FRMD4A: variants seen among roughly 807,000 people sequenced by gnomAD.
The protein encoded by FRMD4A is FERM domain-containing protein 4A.
A neutral mutation model predicts 129.1 loss-of-function variants in FRMD4A; 29 were observed. That is an observed-to-expected ratio of 0.22 (90% CI 0.17 to 0.31). The LOEUF is 0.31. Ranked by LOEUF, FRMD4A falls within the 10% of genes least tolerant of loss-of-function variation. The pLI is 1.00. For missense variants in FRMD4A, 1,272 were observed against 1,375.8 expected (o/e 0.92, Z 1.19); for synonymous variants, 634 against 571.6 (o/e 1.11, Z -1.56).
chr10:13,709,837 T>C (rs1283815057), intron 12 of FRMD4A, among the ~76,000 whole-genome samples: 1 of 152,192 alleles, frequency 6.6e-6, no homozygotes, highest in Admixed American at 6.5e-5. Context: ...TTTTTTTTTC[T>C]TTCTTTATAT....
At chr10:13,778,913 C>A (rs1490855233) in intron 6 of FRMD4A, among the ~76,000 whole-genome samples, 3 of 152,172 alleles carry the variant, frequency 2.0e-5, no homozygotes, top group Non-Finnish European at 4.4e-5. Flanking sequence ...ACCTATGTAA[C>A]AAACCTGCAC....
At chr10:13,944,269 T>A (rs944196452) in intron 2 of FRMD4A, among the ~76,000 whole-genome samples, 2 of 150,752 alleles carry the variant, frequency 1.3e-5, no homozygotes, top group Admixed American at 1.3e-4. Flanking sequence ...AGCAGTGGCA[T>A]TAGATTCTCA....
rs12261851 is a variant in FRMD4A, at chr10:14,128,307, T to C, written c.45+201751A>G. On this transcript the variant is annotated intron_variant, in intron 2 of 24. Transcript: ENST00000357447. The stretch of plus-strand genomic sequence containing the variant: ...TTTGTAAAGATAGGGTTTCACCATT[T>C]TGCCCAGGTTGGTCGCAAACTCCCG... 7.6e-3 allele frequency among the ~76,000 whole-genome samples: 1,154 copies of C among 152,108 alleles called. 12 individuals carry two copies. The highest frequency in any genetic ancestry group is 0.026 in the African/African-American group (1,082 of 41,450).
chr10:13,989,755 AG>A (rs1438155900), intron 2 of FRMD4A, among the ~76,000 whole-genome samples: 1 of 152,250 alleles, frequency 6.6e-6, no homozygotes, highest in Non-Finnish European at 1.5e-5. Context: ...CAGAGGGCAG[AG>A]AGATGGGAGT....
At chr10:13,824,476 C>A (rs1214481518) in intron 3 of FRMD4A, among the ~76,000 whole-genome samples, 1 of 151,588 alleles carries the variant, frequency 6.6e-6, no homozygotes, top group Admixed American at 6.6e-5. Flanking sequence ...GGTGACAGAG[C>A]AAGACTCTAT....
intron 16 of FRMD4A, among the ~76,000 whole-genome samples, chr10:13,672,406 G>A (rs1055344258): frequency 1.3e-5 from 2 of 151,644 alleles, no homozygotes; most frequent in African/African-American, 4.8e-5. Flanking sequence ...CAACTATTGA[G>A]GGTTTTATAT....
At chr10:13,761,765 T>A in intron 7 of FRMD4A, 96 bp from the exon 8 acceptor site, 1 of 812,280 alleles carries the variant, frequency 1.2e-6, no homozygotes, top group South Asian at 1.6e-5. Context: ...CTCTACTGAA[T>A]GAGATGAGTT....
In FRMD4A at chr10:13,951,596, A is replaced by G. The variant is rs554387576; in HGVS notation, c.46-92684T>C. 5.3e-4 allele frequency among the ~76,000 whole-genome samples: 81 copies of G among 152,172 alleles called. 2 individuals are homozygous for G. The highest frequency in any genetic ancestry group is 1.9e-3 in the African/African-American group (78 of 41,526). ...AATGTTAAGGTGATCAGGTATCACAATCTAAAATTTTGGCTGGGCGTGGTG... is the reference window on the plus strand; with the variant it reads ...AATGTTAAGGTGATCAGGTATCACAGTCTAAAATTTTGGCTGGGCGTGGTG... On this transcript the variant is annotated intron_variant, in intron 2 of 24. Transcript: ENST00000357447.
At chr10:14,010,581 T>TG (rs35380403) in intron 2 of FRMD4A, among the ~76,000 whole-genome samples, 28,476 of 151,190 alleles carry the variant, frequency 0.19, 3,290 homozygotes, top group East Asian at 0.45. Context: ...TCTCAAAGGT[T>TG]GCTGGTCCAA....
chr10:13,825,389 T>C (rs572004278), intron 3 of FRMD4A, among the ~76,000 whole-genome samples: 1 of 152,266 alleles, frequency 6.6e-6, no homozygotes, highest in South Asian at 2.1e-4. Flanking sequence ...AGAAACTGGG[T>C]TGCACAGCAG....
intron 2 of FRMD4A, among the ~76,000 whole-genome samples, chr10:13,908,341 T>C (rs1446660635): frequency 1.3e-5 from 2 of 152,190 alleles, no homozygotes; most frequent in African/African-American, 4.8e-5. Context: ...CAGAAGGTGA[T>C]AGTCTCCTAC....
intron 14 of FRMD4A, among the ~76,000 whole-genome samples, chr10:13,699,128 T>C (rs1017598659): frequency 3.3e-5 from 5 of 149,624 alleles, no homozygotes; most frequent in African/African-American, 9.8e-5. Flanking sequence ...TGATCTCAGC[T>C]CACTGCAACC....
At chr10:14,265,029 G>A (rs2132038460) in intron 2 of FRMD4A, among the ~76,000 whole-genome samples, 1 of 152,284 alleles carries the variant, frequency 6.6e-6, no homozygotes, top group South Asian at 2.1e-4. Flanking sequence ...TGATCCGCAA[G>A]CCTCGGCCTC....
intron 2 of FRMD4A, among the ~76,000 whole-genome samples, chr10:14,272,913 A>G (rs1845211484): frequency 6.6e-6 from 1 of 152,050 alleles, no homozygotes; most frequent in African/African-American, 2.4e-5. Context: ...ATATCTTCCT[A>G]TTGCCTTTTA....
rs1202334790 is a variant in FRMD4A at position 13,646,401 on chromosome 10, C to G, written c.*637G>C. ...ATTTCTGGTGTCGAGAACTTCCTTT[C>G]TCAACCTCCCCTTCCCCCATAGCCA... On this transcript the variant is annotated 3_prime_UTR_variant, in exon 25 of 25. Transcript: ENST00000357447. The G allele has an allele frequency of 5.2e-5, 8 of 152,584 alleles. No individual in the cohort carries two copies. Among genetic ancestry groups the G allele is most frequent in the Non-Finnish European group, 1.2e-4 (8 of 68,052 alleles). The allele number at this position is 152,584 out of a possible 1,614,324, so 9.5% of individuals were successfully genotyped here.
intron 2 of FRMD4A, among the ~76,000 whole-genome samples, chr10:14,164,277 C>G (rs1841054517): frequency 6.6e-6 from 1 of 152,196 alleles, no homozygotes; most frequent in South Asian, 2.1e-4. Context: ...ATAGGCCAGC[C>G]GCTCTGGCTG....
At position 14,073,085 on chromosome 10, in the gene FRMD4A, AC is replaced by A. The variant is rs1239090029; in HGVS notation, c.46-214174del. ...CAAAAACAAGACATACACTACGAGA[AC>A]CCCTTGTAACCTGCACCCTTACCAG... is the stretch of plus-strand genomic sequence containing the variant. On this transcript the variant is annotated intron_variant, in intron 2 of 24. Transcript: ENST00000357447. Among the ~76,000 whole-genome samples, 6 of 152,310 alleles carry A rather than the reference AC, an allele frequency of 3.9e-5. No homozygotes were observed. In the East Asian group the frequency reaches 1.2e-3, roughly 29 times the overall value.
intron 8 of FRMD4A, among the ~76,000 whole-genome samples, chr10:13,753,332 C>T (rs2091715630): frequency 6.6e-6 from 1 of 152,046 alleles, no homozygotes; most frequent in African/African-American, 2.4e-5. Context: ...GGTCTTCCAC[C>T]ATTGGGTTGG....
intron 3 of FRMD4A, among the ~76,000 whole-genome samples, chr10:13,816,278 T>C (rs1264935614): frequency 1.3e-5 from 2 of 152,246 alleles, no homozygotes; most frequent in African/African-American, 4.8e-5. Flanking sequence ...TTACAACTCC[T>C]GACTCTTAGC....
Sources: allele counts gnomAD v4.1 joint callset (sites outside exome capture counted in the v4.1 genomes callset), GRCh38; gene constraint gnomAD v4.1.1; transcripts MANE v1.5; gene names NCBI Gene and HGNC (gene_info 2026-07-23, HGNC 2026-07-21).